MACROD2: variants seen among roughly 807,000 people sequenced by gnomAD.
MACROD2 encodes ADP-ribose glycohydrolase MACROD2.
A neutral mutation model predicts 70.4 loss-of-function variants in MACROD2; 36 were observed. That is an observed-to-expected ratio of 0.51 (90% confidence interval 0.39 to 0.68). MACROD2 has a LOEUF of 0.68. MACROD2 is among the 30% of genes least tolerant of loss of function. The pLI is 0.00. For synonymous variants in MACROD2, 172 were observed against 178.8 expected (o/e 0.96, Z 0.30); for missense variants, 496 against 538.4 (o/e 0.92, Z 0.78).
At chr20:15,977,737 T>G (rs2066330001) in intron 13 of MACROD2, among the ~76,000 whole-genome samples, 2 of 152,248 alleles carry the variant, frequency 1.3e-5, no homozygotes, top group South Asian at 4.1e-4. Context: ...ATCTGGATGG[T>G]AATTAGGAAA....
intron 3 of MACROD2, among the ~76,000 whole-genome samples, chr20:14,109,590 A>G (rs570617584): frequency 2.6e-5 from 4 of 152,002 alleles, no homozygotes; most frequent in African/African-American, 9.7e-5. Context: ...GCAAAAACTC[A>G]AAGGATCACT....
In MACROD2 at chr20:14,595,747, ATGTTTT is replaced by A. The variant is rs1982085542; in HGVS notation, c.302-89095_302-89090del. Among the ~76,000 whole-genome samples the A allele has an allele frequency of 2.0e-5, 3 of 152,198 alleles. No individual in the cohort carries two copies. The South Asian group carries it at 6.2e-4, about 32-fold the overall frequency. Reference sequence around the variant, plus strand: ...ACTACACATTGTCGAATTGCCTCCCATGTTTTGCCTACGTATATGCTGACTAGCTGT... The same window carrying A: ...ACTACACATTGTCGAATTGCCTCCCAGCCTACGTATATGCTGACTAGCTGT... On this transcript the variant is annotated intron_variant, in intron 4 of 17. Coordinates refer to ENST00000684519, the MANE Select transcript of MACROD2 (RefSeq NM_001351661.2).
chr20:14,989,713 A>C lies in MACROD2; in HGVS notation c.419-240227A>C, dbSNP rs1006264306. On this transcript the variant is annotated intron_variant, in intron 5 of 17. Transcript: ENST00000684519. ...TGTGTAATTTAAGATGTTAATGAGC[A>C]TATAATAAGGTCCTAGGTGAAATCT... Among the ~76,000 whole-genome samples the C allele has an allele frequency of 3.3e-5, 5 of 152,176 alleles. No individual in the cohort carries two copies. The East Asian group carries it at 9.6e-4, about 29-fold the overall frequency.
chr20:14,201,953 T>A (rs1486195504), intron 3 of MACROD2, among the ~76,000 whole-genome samples: 2 of 151,866 alleles, frequency 1.3e-5, no homozygotes, highest in Non-Finnish European at 2.9e-5. Context: ...GCTAATAATA[T>A]GTAATTTAAT....
intron 2 of MACROD2, among the ~76,000 whole-genome samples, chr20:14,040,235 A>T (rs1402695447): frequency 6.6e-6 from 1 of 152,170 alleles, no homozygotes; most frequent in Non-Finnish European, 1.5e-5. Flanking sequence ...CTATATGGTT[A>T]TATATAGCAT....
At chr20:14,435,408 A>G (rs1209142237) in intron 3 of MACROD2, among the ~76,000 whole-genome samples, 1 of 152,164 alleles carries the variant, frequency 6.6e-6, no homozygotes, top group African/African-American at 2.4e-5. Context: ...AGGCATTAGG[A>G]TATGGACATA....
At chr20:14,911,666 C>A (rs6042993) in intron 5 of MACROD2, among the ~76,000 whole-genome samples, 28,477 of 151,910 alleles carry the variant, frequency 0.19, 2,856 homozygotes, top group African/African-American at 0.21. Flanking sequence ...AGCCACCAGA[C>A]CTGGCCAGGG....
intron 3 of MACROD2, among the ~76,000 whole-genome samples, chr20:14,122,788 T>G (rs2148693521): frequency 6.6e-6 from 1 of 152,306 alleles, no homozygotes; most frequent in East Asian, 1.9e-4. Context: ...ACTTTTCAGT[T>G]TTGTTCTCCT....
chr20:14,373,467 G>A (rs6033954), intron 3 of MACROD2, among the ~76,000 whole-genome samples: 3,243 of 152,074 alleles, frequency 0.021, 115 homozygotes, highest in African/African-American at 0.074. Flanking sequence ...AATTGGTTGG[G>A]AGACTATTTG....
chr20:15,639,678 C>G (rs2049425007), intron 8 of MACROD2, among the ~76,000 whole-genome samples: 1 of 152,184 alleles, frequency 6.6e-6, no homozygotes, highest in Non-Finnish European at 1.5e-5. Context: ...ATGGGTATCT[C>G]TCCATCAGCA....
intron 5 of MACROD2, among the ~76,000 whole-genome samples, chr20:15,076,513 G>A (rs2075659305): frequency 6.6e-6 from 1 of 152,044 alleles, no homozygotes; most frequent in Non-Finnish European, 1.5e-5. Context: ...TGGTTTCTAA[G>A]TATTACTGTT....
chr20:15,283,374 A>G (rs1411113554), intron 6 of MACROD2, among the ~76,000 whole-genome samples: 1 of 152,218 alleles, frequency 6.6e-6, no homozygotes, highest in Non-Finnish European at 1.5e-5. Flanking sequence ...TGCCTCTCTT[A>G]GAAAAATACA....
intron 5 of MACROD2, among the ~76,000 whole-genome samples, chr20:15,167,797 G>A (rs185591769): frequency 2.6e-5 from 4 of 152,192 alleles, no homozygotes; most frequent in East Asian, 3.9e-4. Context: ...TCTTTAAACC[G>A]TGAGTAGAGA....
At chr20:14,908,808 C>T (rs1457255190) in intron 5 of MACROD2, among the ~76,000 whole-genome samples, 1 of 152,134 alleles carries the variant, frequency 6.6e-6, no homozygotes, top group African/African-American at 2.4e-5. Flanking sequence ...AAGGTGGCAG[C>T]AAATACTTGT....
At chr20:15,166,998 TATTAA>T (rs890804091) in intron 5 of MACROD2, among the ~76,000 whole-genome samples, 14 of 151,306 alleles carry the variant, frequency 9.3e-5, no homozygotes, top group African/African-American at 3.1e-4. Flanking sequence ...AGTATGAAAT[TATTAA>T]ATTTAAGTAT....
At chr20:15,784,308 A>T (rs1481331679) in intron 8 of MACROD2, among the ~76,000 whole-genome samples, 1 of 151,880 alleles carries the variant, frequency 6.6e-6, no homozygotes, top group East Asian at 1.9e-4. Context: ...ATCAAGAAAA[A>T]TTAGCTCTGA....
At chr20:14,554,905 T>C (rs1600379815) in intron 4 of MACROD2, among the ~76,000 whole-genome samples, 1 of 152,230 alleles carries the variant, frequency 6.6e-6, no homozygotes, top group Middle Eastern at 3.4e-3. Context: ...TAAATGCATG[T>C]GTGTTTTGAG....
chr20:15,651,714 C>T (rs148677789), intron 8 of MACROD2, among the ~76,000 whole-genome samples: 248 of 152,282 alleles, frequency 1.6e-3, no homozygotes, highest in African/African-American at 5.9e-3. Context: ...TTCTTCCAGG[C>T]ACCTCCACTC....
chr20:15,935,174 C>T (rs1601165083), intron 11 of MACROD2, among the ~76,000 whole-genome samples: 1 of 152,136 alleles, frequency 6.6e-6, no homozygotes, highest in South Asian at 2.1e-4. Context: ...ATTTGAGATC[C>T]TTTTGCCTGT....
Sources: allele counts gnomAD v4.1 joint callset (sites outside exome capture counted in the v4.1 genomes callset), GRCh38; gene constraint gnomAD v4.1.1; transcripts MANE v1.5; gene names NCBI Gene and HGNC (gene_info 2026-07-23, HGNC 2026-07-21).